OTX1: variants seen among roughly 807,000 people sequenced by gnomAD.
OTX1 encodes the protein orthodenticle homeobox 1.
Under a neutral mutation model 26.7 loss-of-function variants are expected in OTX1, and 7 were observed. The observed-to-expected ratio is 0.26, with a 90% CI of 0.15 to 0.49. The LOEUF is 0.49. Ranked by LOEUF, OTX1 falls within the 20% of genes least tolerant of loss-of-function variation. OTX1 has a pLI of 0.98. For synonymous variants in OTX1, 216 were observed against 212.8 expected (o/e 1.01, Z -0.13); for missense variants, 414 against 483.8 (o/e 0.86, Z 1.35).
chr2:63,054,826 C>A (rs2062052018), intron 4 of OTX1, among the ~76,000 whole-genome samples: 1 of 152,160 alleles, frequency 6.6e-6, no homozygotes, highest in Admixed American at 6.5e-5. Context: ...GAAGGGGGAC[C>A]AGGAATGCAG....
Position 63,056,640 on chromosome 2 carries a change from T to G in OTX1, c.*324T>G. ...TCCCCTTCCAGTCTTTCTGGACAGC[T>G]ATTAAGCACTTGCAGCCTTCGGAGG... On this transcript the variant is annotated 3_prime_UTR_variant, in exon 5 of 5. Coordinates refer to ENST00000282549, the MANE Select transcript of OTX1 (RefSeq NM_014562.4). 2.7e-6 allele frequency: 1 copy of G among 371,984 alleles called. No homozygotes were observed. The highest frequency in any genetic ancestry group is 4.9e-6 in the Non-Finnish European group (1 of 202,206). 23.0% of individuals were successfully genotyped at this position (371,984 alleles called of 1,614,324 possible). A position where few individuals can be genotyped will look rare whatever the true frequency, so the allele number is the denominator to read the frequency against.
Position 63,057,602 on chromosome 2 carries a change from T to C in OTX1, c.*1286T>C, listed in dbSNP as rs899108636. The C allele has an allele frequency of 6.6e-6, 1 of 152,112 alleles. No individual in the cohort carries two copies. Among genetic ancestry groups the C allele is most frequent in the Non-Finnish European group, 1.5e-5 (1 of 68,012 alleles). 9.4% of individuals were successfully genotyped at this position (152,112 alleles called of 1,614,324 possible). A position where few individuals can be genotyped will look rare whatever the true frequency, so the allele number is the denominator to read the frequency against. On this transcript the variant is annotated 3_prime_UTR_variant, in exon 5 of 5. Coordinates refer to ENST00000282549, the MANE Select transcript of OTX1 (RefSeq NM_014562.4). ...GTCGGCTTCTCTCTTTCAACACCCT[T>C]GTTTTGTCTAGTGAGTTTTTAGTGC...
rs757147205 is a variant in OTX1, at chr2:63,056,115, G to A, written c.864G>A (p.Gln288=). The change falls in exon 5 of 5, where the codon CAG becomes CAA. Residue 288 remains glutamine, a synonymous_variant. Transcript: ENST00000282549. ...CACATGCGCACCACCCGTTGAGCCA[G>A]TCCTCAGGCCACCACCACCACCATC... The part of the protein sequence containing the change: ...HHPHAHHPLS[Q]SSGHHHHHHH... 1 of 1,613,934 alleles carries A rather than the reference G, an allele frequency of 6.2e-7. No individual in the cohort carries two copies. Among genetic ancestry groups the A allele is most frequent in the Non-Finnish European group, 8.5e-7 (1 of 1,179,972 alleles).
Position 63,055,458 on chromosome 2 carries a change from C to G in OTX1, c.250-43C>G. 1 of 1,574,102 alleles carries G rather than the reference C, an allele frequency of 6.4e-7. No individual in the cohort carries two copies. The highest frequency in any genetic ancestry group is 8.6e-7 in the Non-Finnish European group (1 of 1,156,370). Reference sequence around the variant, plus strand: ...CGGGGCGGTGGAGCAACAAGCTCCCCTAGCTCCCTTTGACCCACTCTCCCC... The same window carrying G: ...CGGGGCGGTGGAGCAACAAGCTCCCGTAGCTCCCTTTGACCCACTCTCCCC... On this transcript the variant is annotated intron_variant, in intron 4 of 4. Coordinates refer to ENST00000282549, the MANE Select transcript of OTX1 (RefSeq NM_014562.4). The surrounding 1 kb of genome is among the most constrained non-coding windows in gnomAD (Gnocchi z 5.2).
Position 63,056,204 on chromosome 2 carries a change from ATTAC to A in OTX1, c.954_957del (p.Asp318GlufsTer73). On this transcript the variant is annotated frameshift_variant, in exon 5 of 5. Transcript: ENST00000282549. LOFTEE classifies it high-confidence loss of function. ...GCCTTCAACTCTGCCGACTGCTTGG[ATTAC>A]AAGGAGCCTGGCGCCGCTGCTGCTT... 1 of 1,614,006 alleles carries A rather than the reference ATTAC, an allele frequency of 6.2e-7. No individual in the cohort carries two copies. Among genetic ancestry groups the A allele is most frequent in the East Asian group, 2.2e-5 (1 of 44,852 alleles).
Position 63,053,049 on chromosome 2 carries a change from C to T in OTX1, c.59C>T (p.Pro20Leu). Reference sequence around the variant, plus strand: ...ATGAACGGGCTGGGCCTGGCCGGGCCCGCCATGGACCTCCTGCACCCATCC... The same window carrying T: ...ATGAACGGGCTGGGCCTGGCCGGGCTCGCCATGGACCTCCTGCACCCATCC... Reference protein sequence around the residue: ...YGMNGLGLAGPAMDLLHPSVG... With the variant: ...YGMNGLGLAGLAMDLLHPSVG... Residue 20 changes from proline to leucine, a missense_variant, in exon 3 of 5, where the codon CCC (proline) becomes CTC (leucine). Physicochemically the swap from Pro to Leu is moderately conservative, Grantham distance 98 (BLOSUM62 -3). This residue lies in a region of OTX1 where 48 missense variants were observed against 41.6 expected (regional missense o/e 1.15). Coordinates refer to ENST00000282549, the MANE Select transcript of OTX1 (RefSeq NM_014562.4). The T allele has an allele frequency of 6.2e-7, 1 of 1,603,952 alleles. No individual in the cohort carries two copies.
chr2:63,054,524 T>C (rs2062049733), intron 4 of OTX1, among the ~76,000 whole-genome samples: 1 of 152,244 alleles, frequency 6.6e-6, no homozygotes, highest in Non-Finnish European at 1.5e-5. Flanking sequence ...TTGCCCCTGC[T>C]TCTTCGCCTG....
chr2:63,055,554 C>A lies in OTX1; in HGVS notation c.303C>A (p.Ser101Arg). The change falls in exon 5 of 5, where the codon AGC (serine) becomes AGA (arginine). Residue 101 changes from serine to arginine, a missense_variant. Physicochemically the swap from Ser to Arg is moderately radical, Grantham distance 110 (BLOSUM62 -1). This residue lies in a region of OTX1 where 320 missense variants were observed against 347.9 expected (regional missense o/e 0.92). Transcript: ENST00000282549. This position sits in a 1 kb window ranked among gnomAD's most constrained non-coding sequence, Gnocchi z 5.2. Reference protein sequence around the residue: ...AKCRQQQQSGSGTKSRPAKKK... With the variant: ...AKCRQQQQSGRGTKSRPAKKK... ...GCCGCCAGCAGCAGCAGAGCGGGAG[C>A]GGAACCAAGAGCCGCCCAGCCAAGA... The A allele has an allele frequency of 6.2e-7, 1 of 1,614,128 alleles. No homozygotes were observed. The highest frequency in any genetic ancestry group is 8.5e-7 in the Non-Finnish European group (1 of 1,180,014).
In OTX1 at chr2:63,056,510, C is replaced by T; in HGVS notation, c.*194C>T. On this transcript the variant is annotated 3_prime_UTR_variant, in exon 5 of 5. Transcript: ENST00000282549. ...TTGCTTGGGGGGATGTGCAAACCCACCCTGCCCCTTGGATGGGGGGACCGG... is the reference window on the plus strand; with the variant it reads ...TTGCTTGGGGGGATGTGCAAACCCATCCTGCCCCTTGGATGGGGGGACCGG... 1.6e-6 allele frequency: 1 copy of T among 613,084 alleles called. No individual in the cohort carries two copies. The highest frequency in any genetic ancestry group is 2.9e-6 in the Non-Finnish European group (1 of 349,108). 38.0% of individuals were successfully genotyped at this position (613,084 alleles called of 1,614,324 possible).
Position 63,055,919 on chromosome 2 carries a change from T to A in OTX1, c.668T>A (p.Met223Lys). ...GAATAAASYPMSYGQGGSYGQ... is the reference protein window; with the variant it reads ...GAATAAASYPKSYGQGGSYGQ... ...GCCACCGCAGCAGCCTCTTATCCCA[T>A]GTCCTACGGCCAGGGCGGCAGCTAC... The change falls in exon 5 of 5, where the codon ATG becomes AAG. Residue 223 changes from methionine (M) to lysine (K), a missense_variant. Around this residue, in one of 3 missense-constraint regions of OTX1, gnomAD observed 320 missense variants for 347.9 expected, o/e 0.92. Transcript: ENST00000282549. The surrounding 1 kb of genome is among the most constrained non-coding windows in gnomAD (Gnocchi z 5.2). 1 of 1,612,844 alleles carries A rather than the reference T, an allele frequency of 6.2e-7. No homozygotes were observed. The highest frequency in any genetic ancestry group is 1.3e-5 in the African/African-American group (1 of 75,056).
upstream of OTX1, chr2:63,050,633 C>CCGGGG (rs1315060785): frequency 7.3e-6 from 1 of 136,486 alleles, no homozygotes; most frequent in Non-Finnish European, 1.6e-5. Context: ...TAGCGCGCGA[C>CCGGGG]CGGGGCGGGG....
chr2:63,053,392 G>A (rs996671641), intron 3 of OTX1: 1 of 341,062 alleles, frequency 2.9e-6, no homozygotes, highest in African/African-American at 2.1e-5. Flanking sequence ...TCGCTACCCA[G>A]GGGCGGCTAG....
chr2:63,054,260 A>G (rs564495993), intron 4 of OTX1, 62 bp downstream of exon 4: 69 of 1,496,082 alleles, frequency 4.6e-5, no homozygotes, highest in South Asian at 4.3e-4. Context: ...GGGAAGGTCT[A>G]GGAAGGCTCT....
intron 1 of OTX1, 79 bp from the exon 2 acceptor site, chr2:63,051,166 GAAGA>G (rs1309556247): frequency 6.6e-6 from 1 of 152,554 alleles, no homozygotes; most frequent in African/African-American, 2.4e-5. Flanking sequence ...ATAGAGGTGG[GAAGA>G]AGGAAGTTGG....
At position 63,055,550 on chromosome 2, in the gene OTX1, G is replaced by A. The variant is rs946536602; in HGVS notation, c.299G>A (p.Gly100Glu). ...AAATGCCGCCAGCAGCAGCAGAGCG[G>A]GAGCGGAACCAAGAGCCGCCCAGCC... The part of the protein sequence containing the change: ...RAKCRQQQQS[G>E]SGTKSRPAKK... The change falls in exon 5 of 5, where the codon GGG becomes GAG. Residue 100 changes from glycine (G) to glutamate (E), a missense_variant. Around this residue, in one of 3 missense-constraint regions of OTX1, gnomAD observed 320 missense variants for 347.9 expected, o/e 0.92. Transcript: ENST00000282549. This position sits in a 1 kb window ranked among gnomAD's most constrained non-coding sequence, Gnocchi z 5.2. 6.2e-7 allele frequency: 1 copy of A among 1,614,018 alleles called. No individual in the cohort carries two copies. Among genetic ancestry groups the A allele is most frequent in the Admixed American group, 1.7e-5 (1 of 60,008 alleles).
Position 63,052,941 on chromosome 2 carries a change from TG to T in OTX1, c.-48del. 3.0e-6 allele frequency: 4 copies of T among 1,312,998 alleles called. No individual in the cohort carries two copies. Among genetic ancestry groups the T allele is most frequent in the Non-Finnish European group, 4.4e-6 (4 of 918,072 alleles). 81.3% of individuals were successfully genotyped at this position (1,312,998 alleles called of 1,614,324 possible). A position where few individuals can be genotyped will look rare whatever the true frequency, so the allele number is the denominator to read the frequency against. ...CGTGGTGGGAGCCCTGCACCGCTCC[TG>T]GCCCCGGGCCCCCTGGATCCGTCGG... On this transcript the variant is annotated 5_prime_UTR_variant, in exon 3 of 5. Coordinates refer to ENST00000282549, the MANE Select transcript of OTX1 (RefSeq NM_014562.4).
At chr2:63,050,186 C>G (rs2062012689), upstream of OTX1, 1 of 152,134 alleles carries the variant, frequency 6.6e-6, no homozygotes, top group Non-Finnish European at 1.5e-5. Context: ...GGGTGCTCTT[C>G]CCAGGCGCGA....
rs2062079098 is a variant in OTX1 at position 63,057,789 on chromosome 2, C to T, written c.*1473C>T. The stretch of plus-strand genomic sequence containing the variant: ...AATGTAAGGCAGTCCCCCTCCTCCT[C>T]TTTATCTACATTACTTCCCGAAAAT... On this transcript the variant is annotated 3_prime_UTR_variant, in exon 5 of 5. Transcript: ENST00000282549. The T allele has an allele frequency of 6.6e-6, 1 of 152,026 alleles. No homozygotes were observed. Among genetic ancestry groups the T allele is most frequent in the Non-Finnish European group, 1.5e-5 (1 of 68,036 alleles). 9.4% of individuals were successfully genotyped at this position (152,026 alleles called of 1,614,324 possible).
At position 63,056,216 on chromosome 2, in the gene OTX1, C is replaced by T. The variant is rs776514579; in HGVS notation, c.965C>T (p.Pro322Leu). The T allele has an allele frequency of 3.1e-6, 5 of 1,614,004 alleles. No homozygotes were observed. Among genetic ancestry groups the T allele is most frequent in the Non-Finnish European group, 3.4e-6 (4 of 1,180,026 alleles). ...NSADCLDYKE[P>L]GAAAASSAWK... ...GCCGACTGCTTGGATTACAAGGAGCCTGGCGCCGCTGCTGCTTCCTCCGCC... is the reference window on the plus strand; with the variant it reads ...GCCGACTGCTTGGATTACAAGGAGCTTGGCGCCGCTGCTGCTTCCTCCGCC... Residue 322 changes from proline to leucine, a missense_variant, in exon 5 of 5, where the codon CCT becomes CTT. By Grantham distance (98) the Pro-to-Leu change is moderately conservative. Transcript: ENST00000282549.
Sources: gnomAD v4.1 joint callset for allele counts (sites outside exome capture counted in the v4.1 genomes callset) on GRCh38, gnomAD v4.1.1 for gene constraint, gnomAD v4.1.1 regional missense constraint, Gnocchi (gnomAD v3.1) non-coding constraint, MANE v1.5 for transcripts, NCBI Gene and HGNC (gene_info 2026-07-23, HGNC 2026-07-21) for gene names.